The following FLCN variants were observed in gnomAD, a reference collection of about 807,000 sequenced individuals.
FLCN encodes BHD skin lesion fibrofolliculoma protein.
FLCN carries 22 observed loss-of-function variants against 62.5 expected under a neutral mutation model. That is an observed-to-expected ratio of 0.35 (90% confidence interval 0.25 to 0.50). The LOEUF (loss-of-function observed/expected upper bound fraction) is 0.50, where lower values mean the gene tolerates loss of function less well. Among genes scored for constraint, FLCN ranks in the 20% least tolerant of loss-of-function variants. The probability of loss-of-function intolerance (pLI) is 0.97; values close to 1 mark genes in which losing one functional copy is unlikely to be tolerated. For missense variants in FLCN, 657 were observed against 778.0 expected, an observed-to-expected ratio of 0.84 and a Z score of 1.85; for synonymous variants, 319 against 310.0, an observed-to-expected ratio of 1.03 and a Z score of -0.30.
intron 3 of FLCN, among the ~76,000 whole-genome samples, chr17:17,230,877 A>G (rs2047400482): frequency 6.6e-6 from 1 of 152,070 alleles, no homozygotes; most frequent in Non-Finnish European, 1.5e-5. Flanking sequence ...TGGGTGACAG[A>G]GTGAGTGAGA....
chr17:17,215,184 C>G lies in FLCN; in HGVS notation c.1432+1G>C, dbSNP rs755959303. 6.2e-7 allele frequency: 1 copy of G among 1,614,034 alleles called. No individual in the cohort carries two copies. Among genetic ancestry groups the G allele is most frequent in the Non-Finnish European group, 8.5e-7 (1 of 1,180,030 alleles). On this transcript the variant is annotated splice_donor_variant, in intron 12 of 13. Coordinates refer to ENST00000285071, the MANE Select transcript of FLCN (RefSeq NM_144997.7). LOFTEE classifies it high-confidence loss of function. ...AGGACACTCTGCCTGGGGGCACCCA[C>G]CTCGGTCTGCAGCTACAGGGCTCCC...
At chr17:17,235,664 C>T (rs2047562471) in intron 1 of FLCN, 1 of 152,190 alleles carries the variant, frequency 6.6e-6, no homozygotes, top group African/African-American at 2.4e-5. Flanking sequence ...CACCCAAAAG[C>T]TGAGAAACAG....
At chr17:17,217,031 T>C in intron 10 of FLCN, 38 bp downstream of exon 10, 2 of 1,464,836 alleles carry the variant, frequency 1.4e-6, no homozygotes, top group Non-Finnish European at 1.9e-6. Flanking sequence ...AGGCCAATAC[T>C]GCCCTGCGCC....
chr17:17,221,881 C>T (rs553050917), intron 7 of FLCN, among the ~76,000 whole-genome samples: 1 of 152,102 alleles, frequency 6.6e-6, no homozygotes, highest in African/African-American at 2.4e-5. Flanking sequence ...AGACTTGGGG[C>T]GCTGCTCCGA....
chr17:17,219,176 G>C lies in FLCN; in HGVS notation c.905C>G (p.Ser302Cys), dbSNP rs1555608636. The C allele has an allele frequency of 2.5e-6, 4 of 1,614,168 alleles. No individual in the cohort carries two copies. The highest frequency in any genetic ancestry group is 2.5e-6 in the Non-Finnish European group (3 of 1,180,038). ...LEEESESWDN[S>C]EAEEEEKAPV... ...GGCTTTCTCCTCCTCTTCAGCCTCAGAGTTGTCCCAGCTTTCTGATTCCTC... is the reference window on the plus strand; with the variant it reads ...GGCTTTCTCCTCCTCTTCAGCCTCACAGTTGTCCCAGCTTTCTGATTCCTC... Residue 302 changes from serine (S) to cysteine (C), a missense_variant, in exon 9 of 14, where the codon TCT (serine) becomes TGT (cysteine). Physicochemically the swap from Ser to Cys is moderately radical, Grantham distance 112. Coordinates refer to ENST00000285071, the MANE Select transcript of FLCN (RefSeq NM_144997.7).
At chr17:17,221,097 T>TCAGGAACCTGGGGAAGCC in intron 8 of FLCN, 1 of 1,287,866 alleles carries the variant, frequency 7.8e-7, no homozygotes, top group Non-Finnish European at 1.0e-6. Context: ...AAGCCCCAGA[T>TCAGGAACCTGGGGAAGCC]CAGGAACCTG....
intron 8 of FLCN, chr17:17,219,982 GCAT>G (rs2047042923): frequency 1.3e-5 from 2 of 152,186 alleles, no homozygotes; most frequent in African/African-American, 4.8e-5. Context: ...CCAATAGAAA[GCAT>G]TTCAGCCCTT....
In FLCN at chr17:17,213,728, C is replaced by G. The variant is rs774247151; in HGVS notation, c.1667G>C (p.Gly556Ala). The change falls in exon 14 of 14, where the codon GGC becomes GCC. Residue 556 changes from glycine (G) to alanine (A), a missense_variant. Physicochemically the swap from Gly to Ala is moderately conservative, Grantham distance 60. Coordinates refer to ENST00000285071, the MANE Select transcript of FLCN (RefSeq NM_144997.7). The stretch of plus-strand genomic sequence containing the variant: ...GTGTGACTTGTAGGTCTTGCTCAGG[C>G]CAGTCATCCAGAACTTCAGCAGCTT... ...NVKLLKFWMTGLSKTYKSHLM... is the reference protein window; with the variant it reads ...NVKLLKFWMTALSKTYKSHLM... The G allele has an allele frequency of 6.2e-7, 1 of 1,614,196 alleles. No homozygotes were observed. The highest frequency in any genetic ancestry group is 1.1e-5 in the South Asian group (1 of 91,080).
intron 8 of FLCN, chr17:17,221,056 A>T: frequency 1.1e-6 from 1 of 872,956 alleles, no homozygotes. Context: ...GCTGGTGCAC[A>T]CAGTGCCACG....
intron 8 of FLCN, chr17:17,221,116 C>G: frequency 7.3e-7 from 1 of 1,360,552 alleles, no homozygotes; most frequent in Non-Finnish European, 9.5e-7. Flanking sequence ...TGGGGAAGCC[C>G]AGGCACCTGG....
chr17:17,213,769 G>A lies in FLCN; in HGVS notation c.1626C>T (p.Ser542=), dbSNP rs1433647771. 19 of 1,614,076 alleles carry A rather than the reference G, an allele frequency of 1.2e-5. No homozygotes were observed. The highest frequency in any genetic ancestry group is 1.7e-5 in the Admixed American group (1 of 60,002). The change falls in exon 14 of 14, where the codon TCC becomes TCT. Residue 542 remains serine (S), a synonymous_variant. Coordinates refer to ENST00000285071, the MANE Select transcript of FLCN (RefSeq NM_144997.7). ...TCAGCAGCTTGACATTGTCCTCCTC[G>A]GACGCACCCAGGATGCTCAGCAGCT... ...TQKLLSILGA[S]EEDNVKLLKF...
At chr17:17,226,874 C>T (rs1438402569) in intron 4 of FLCN, among the ~76,000 whole-genome samples, 1 of 152,230 alleles carries the variant, frequency 6.6e-6, no homozygotes, top group Non-Finnish European at 1.5e-5. Context: ...GCTGCAGCCA[C>T]AGCCACTCCG....
At chr17:17,229,588 G>A (rs2047360911) in intron 3 of FLCN, 1 of 152,316 alleles carries the variant, frequency 6.6e-6, no homozygotes. Context: ...GGTGGCGATG[G>A]CCGCACAGCA....
At chr17:17,228,250 G>A (rs2047320174) in intron 3 of FLCN, 89 bp from the exon 4 acceptor site, 1 of 1,472,984 alleles carries the variant, frequency 6.8e-7, no homozygotes, top group East Asian at 2.5e-5. Context: ...GGAGCACCTG[G>A]GTGCCATGGA....
intron 13 of FLCN, 120 bp downstream of exon 13, chr17:17,214,865 C>T: frequency 2.8e-6 from 3 of 1,086,856 alleles, no homozygotes; most frequent in Middle Eastern, 5.9e-4. Context: ...TGGAACCCCG[C>T]CCCCAACCTC....
intron 8 of FLCN, chr17:17,220,599 A>G (rs1380637695): frequency 6.5e-6 from 1 of 152,938 alleles, no homozygotes; most frequent in African/African-American, 2.4e-5. Context: ...CCGAAACCCC[A>G]TACTGCGCAT....
In FLCN at chr17:17,213,612, T is replaced by C. The variant is rs1287367336; in HGVS notation, c.*43A>G. 1.9e-6 allele frequency: 3 copies of C among 1,612,562 alleles called. No homozygotes were observed. Among genetic ancestry groups the C allele is most frequent in the East Asian group, 4.5e-5 (2 of 44,866 alleles). ...TCCCTCTCACGGGGCTGGAGGATCCTGTGGACAGCCATCCCTGTCTTTAGG... is the reference window on the plus strand; with the variant it reads ...TCCCTCTCACGGGGCTGGAGGATCCCGTGGACAGCCATCCCTGTCTTTAGG... On this transcript the variant is annotated 3_prime_UTR_variant, in exon 14 of 14. Coordinates refer to ENST00000285071, the MANE Select transcript of FLCN (RefSeq NM_144997.7).
At position 17,215,228 on chromosome 17, in the gene FLCN, G is replaced by C. The variant is rs137852929; in HGVS notation, c.1389C>G (p.Tyr463Ter). The C allele has an allele frequency of 5.6e-6, 9 of 1,614,200 alleles. No individual in the cohort carries two copies. Among genetic ancestry groups the C allele is most frequent in the Non-Finnish European group, 7.6e-6 (9 of 1,180,044 alleles). ...GCEDDQSLSK[Y>*]EFVVTSGSPV... ...GGCTCCCACTGGTCACCACAAACTC[G>C]TACTTGCTGAGAGACTGGTCATCCT... Residue 463 changes from tyrosine to a stop codon, truncating the protein, a stop_gained, in exon 12 of 14, where the codon TAC becomes TAG. Transcript: ENST00000285071. LOFTEE classifies it high-confidence loss of function.
chr17:17,215,778 G>A (rs2046900576), intron 11 of FLCN, among the ~76,000 whole-genome samples: 2 of 152,150 alleles, frequency 1.3e-5, no homozygotes, highest in African/African-American at 2.4e-5. Flanking sequence ...GTGCTGATTG[G>A]GGGCTCAGGG....
Sources: gnomAD v4.1 joint callset for allele counts (sites outside exome capture counted in the v4.1 genomes callset) on GRCh38, gnomAD v4.1.1 for gene constraint, MANE v1.5 for transcripts, NCBI Gene and HGNC (gene_info 2026-07-23, HGNC 2026-07-21) for gene names.